RBFOX1: variants seen among roughly 807,000 people sequenced by gnomAD.
RBFOX1 encodes RNA binding protein fox-1 homolog 1.
RBFOX1 carries 8 observed loss-of-function variants against 57.7 expected under a neutral mutation model. The ratio of observed to expected loss-of-function variants is 0.14; its 90% CI spans 0.08 to 0.25. The LOEUF is 0.25. RBFOX1 is among the 10% of genes least tolerant of loss of function. The probability of loss-of-function intolerance (pLI) is 1.00; values close to 1 mark genes in which losing one functional copy is unlikely to be tolerated. For missense variants in RBFOX1, 611 were observed against 548.5 expected (o/e 1.11, Z -1.14); for synonymous variants, 326 against 222.4 (o/e 1.47, Z -4.15).
At chr16:5,311,761 G>T (rs1469252754) in intron 1 of RBFOX1, among the ~76,000 whole-genome samples, 1 of 152,104 alleles carries the variant, frequency 6.6e-6, no homozygotes, top group Non-Finnish European at 1.5e-5. Context: ...TTTTCTTGCT[G>T]ATTTCAAATT....
At chr16:7,226,050 A>C (rs1303474417) in intron 4 of RBFOX1, among the ~76,000 whole-genome samples, 1 of 151,914 alleles carries the variant, frequency 6.6e-6, no homozygotes, top group African/African-American at 2.4e-5. Context: ...ACTTTATTTC[A>C]TGTCATATTC....
At chr16:5,972,680 C>G (rs189193344) in intron 4 of RBFOX1, among the ~76,000 whole-genome samples, 2 of 152,144 alleles carry the variant, frequency 1.3e-5, no homozygotes. Flanking sequence ...ATTATTTGAC[C>G]TTACGGTGGC....
chr16:6,131,342 C>T (rs1019494193), intron 1 of RBFOX1, among the ~76,000 whole-genome samples: 29 of 152,164 alleles, frequency 1.9e-4, no homozygotes, highest in African/African-American at 7.0e-4. Flanking sequence ...GATTTATCTA[C>T]GTATTGTCAA....
chr16:7,091,317 A>G (rs1446273765), intron 4 of RBFOX1, among the ~76,000 whole-genome samples: 2 of 151,882 alleles, frequency 1.3e-5, no homozygotes, highest in Admixed American at 6.6e-5. Context: ...ACTGAAAATA[A>G]CTTTTCTTCA....
intron 1 of RBFOX1, among the ~76,000 whole-genome samples, chr16:6,117,676 C>T (rs2096511262): frequency 6.6e-6 from 1 of 152,248 alleles, no homozygotes; most frequent in Admixed American, 6.5e-5. Flanking sequence ...AGGTCTTGAA[C>T]TTCCCAGCCT....
At chr16:6,456,960 T>C (rs1195084614) in intron 2 of RBFOX1, among the ~76,000 whole-genome samples, 1 of 152,114 alleles carries the variant, frequency 6.6e-6, no homozygotes. Context: ...TCTGAGATGT[T>C]TGGAAGACAC....
chr16:7,139,069 G>A (rs1352256271), intron 4 of RBFOX1, among the ~76,000 whole-genome samples: 2 of 152,116 alleles, frequency 1.3e-5, no homozygotes, highest in Non-Finnish European at 2.9e-5. Context: ...CTCCCAAAGT[G>A]CTGGGATTAC....
At position 5,399,952 on chromosome 16, in the gene RBFOX1, A is replaced by G. The variant is rs189882322; in HGVS notation, c.220-67264A>G. Among the ~76,000 whole-genome samples the G allele has an allele frequency of 7.1e-4, 108 of 151,972 alleles. 1 individual carries two copies. The East Asian group carries it at 0.015, about 20-fold the overall frequency. On this transcript the variant is annotated intron_variant, in intron 1 of 2. Coordinates refer to the RBFOX1 transcript ENST00000585867. Reference sequence around the variant, plus strand: ...CGTGAACCCAACAACCCAAGCCAAAACTTTTTCCTCGACAATAACTTCTGT... The same window carrying G: ...CGTGAACCCAACAACCCAAGCCAAAGCTTTTTCCTCGACAATAACTTCTGT...
At chr16:7,563,644 C>G (rs1188096218) in intron 5 of RBFOX1, among the ~76,000 whole-genome samples, 2 of 151,898 alleles carry the variant, frequency 1.3e-5, no homozygotes, top group Non-Finnish European at 2.9e-5. Context: ...ATTTTTTGTA[C>G]TTTTAGTAGA....
At chr16:6,021,958 C>A (rs528139878) in intron 1 of RBFOX1, among the ~76,000 whole-genome samples, 12 of 152,266 alleles carry the variant, frequency 7.9e-5, no homozygotes, top group Admixed American at 7.2e-4. Flanking sequence ...AATTTTTGAG[C>A]CTTGTAGCAC....
At chr16:6,422,615 A>G (rs1397606451) in intron 2 of RBFOX1, among the ~76,000 whole-genome samples, 2 of 152,194 alleles carry the variant, frequency 1.3e-5, no homozygotes, top group Admixed American at 6.5e-5. Flanking sequence ...ATGGCAGAAG[A>G]CAAAGGCGGA....
At chr16:7,213,418 C>T (rs910562759) in intron 4 of RBFOX1, among the ~76,000 whole-genome samples, 1 of 152,084 alleles carries the variant, frequency 6.6e-6, no homozygotes, top group African/African-American at 2.4e-5. Flanking sequence ...AGTTGAGAAC[C>T]ATTGCCTGAC....
At chr16:6,566,059 A>G (rs1193115100) in intron 2 of RBFOX1, among the ~76,000 whole-genome samples, 1 of 152,236 alleles carries the variant, frequency 6.6e-6, no homozygotes, top group East Asian at 1.9e-4. Flanking sequence ...GAACAAACAG[A>G]GTTAATTGCA....
At chr16:7,233,576 G>A (rs1053402807) in intron 4 of RBFOX1, among the ~76,000 whole-genome samples, 2 of 152,158 alleles carry the variant, frequency 1.3e-5, no homozygotes, top group African/African-American at 4.8e-5. Flanking sequence ...GCTCTAATGT[G>A]TACATTGGTG....
At chr16:5,698,649 A>G (rs941829252) in intron 3 of RBFOX1, among the ~76,000 whole-genome samples, 12 of 152,188 alleles carry the variant, frequency 7.9e-5, no homozygotes, top group African/African-American at 2.7e-4. Context: ...TTACAGATGA[A>G]TGTCTGTAGC....
At chr16:5,564,672 AC>A (rs1415958448) in intron 2 of RBFOX1, among the ~76,000 whole-genome samples, 1 of 151,666 alleles carries the variant, frequency 6.6e-6, no homozygotes, top group Non-Finnish European at 1.5e-5. Context: ...GTGACTTGGA[AC>A]CTCTCCAGGC....
At chr16:7,539,133 T>G (rs1318612661) in intron 5 of RBFOX1, among the ~76,000 whole-genome samples, 1 of 152,186 alleles carries the variant, frequency 6.6e-6, no homozygotes, top group African/African-American at 2.4e-5. Context: ...GACTCCACCT[T>G]TGACTAGGAG....
intron 11 of RBFOX1, among the ~76,000 whole-genome samples, chr16:7,651,896 A>T (rs1391669128): frequency 6.6e-6 from 1 of 152,208 alleles, no homozygotes; most frequent in East Asian, 1.9e-4. Flanking sequence ...GCTTAGTGAG[A>T]TGGGACAAGC....
intron 2 of RBFOX1, among the ~76,000 whole-genome samples, chr16:6,605,225 C>T (rs989597450): frequency 1.3e-5 from 2 of 151,528 alleles, no homozygotes; most frequent in Non-Finnish European, 2.9e-5. Flanking sequence ...GAGCAAGACC[C>T]TCTCTCAAAA....
Sources: gnomAD v4.1 joint callset for allele counts (sites outside exome capture counted in the v4.1 genomes callset) on GRCh38, gnomAD v4.1.1 for gene constraint, MANE v1.5 for transcripts, NCBI Gene and HGNC (gene_info 2026-07-23, HGNC 2026-07-21) for gene names.